TNFRSF13B: variants seen among roughly 807,000 people sequenced by gnomAD.
The protein encoded by TNFRSF13B is tumor necrosis factor receptor superfamily member 13B.
A neutral mutation model predicts 24.0 loss-of-function variants in TNFRSF13B; 34 were observed. The observed-to-expected ratio is 1.41, with a 90% CI of 1.08 to 1.88. TNFRSF13B has a LOEUF of 1.88. Ranked by LOEUF, TNFRSF13B falls within the 40% of genes most tolerant of loss-of-function variation. The pLI is 0.00. For missense variants in TNFRSF13B, 415 were observed against 380.8 expected (o/e 1.09, Z -0.75); for synonymous variants, 173 against 150.3 (o/e 1.15, Z -1.10).
rs1310249816 is a variant in TNFRSF13B, at chr17:16,939,428, C to G, written c.*119G>C. 2 of 1,248,090 alleles carry G rather than the reference C, an allele frequency of 1.6e-6. No homozygotes were observed. The highest frequency in any genetic ancestry group is 2.2e-6 in the Non-Finnish European group (2 of 912,522). The allele number at this position is 1,248,090 out of a possible 1,614,324, so 77.3% of individuals were successfully genotyped here. On this transcript the variant is annotated 3_prime_UTR_variant, in exon 5 of 5. Transcript: ENST00000261652. ...CTCCCTCTCTGTCTCCTCTGTTTCTCTCCCTCTCTGCCTCCTCTGTCTCTC... is the reference window on the plus strand; with the variant it reads ...CTCCCTCTCTGTCTCCTCTGTTTCTGTCCCTCTCTGCCTCCTCTGTCTCTC...
chr17:16,969,395 C>A (rs554081245), intron 1 of TNFRSF13B, among the ~76,000 whole-genome samples: 1 of 152,158 alleles, frequency 6.6e-6, no homozygotes, highest in Non-Finnish European at 1.5e-5. Context: ...AGTACTGATA[C>A]CTGCTACAAC....
At chr17:16,949,995 C>T (rs1251897722) in intron 2 of TNFRSF13B, among the ~76,000 whole-genome samples, 2 of 151,974 alleles carry the variant, frequency 1.3e-5, no homozygotes, top group African/African-American at 2.4e-5. Flanking sequence ...GGTCTAGCCT[C>T]CGAATATTTC....
At chr17:16,968,860 G>T (rs1459829055) in intron 1 of TNFRSF13B, among the ~76,000 whole-genome samples, 1 of 152,072 alleles carries the variant, frequency 6.6e-6, no homozygotes, top group Non-Finnish European at 1.5e-5. Flanking sequence ...TAATGAAAAG[G>T]CAACCCAATT....
chr17:16,969,328 A>C (rs1423434938), intron 1 of TNFRSF13B, among the ~76,000 whole-genome samples: 1 of 152,248 alleles, frequency 6.6e-6, no homozygotes, highest in Non-Finnish European at 1.5e-5. Flanking sequence ...CGATGACTGG[A>C]AAAGCCACAT....
chr17:16,940,596 C>T (rs2087503438), intron 3 of TNFRSF13B, 85 bp from the exon 4 acceptor site: 1 of 1,546,398 alleles, frequency 6.5e-7, no homozygotes, highest in Non-Finnish European at 8.7e-7. Flanking sequence ...CCCCCATCCC[C>T]CTGCTGTGAG....
intron 1 of TNFRSF13B, among the ~76,000 whole-genome samples, chr17:16,967,876 G>A (rs776278638): frequency 2.7e-5 from 4 of 150,122 alleles, no homozygotes; most frequent in South Asian, 2.1e-4. Flanking sequence ...GGTGGCTCAC[G>A]CCTGTAATCC....
intron 1 of TNFRSF13B, among the ~76,000 whole-genome samples, chr17:16,953,244 A>C (rs2087602492): frequency 6.6e-6 from 1 of 152,232 alleles, no homozygotes; most frequent in Non-Finnish European, 1.5e-5. Context: ...CTGCTCATTA[A>C]GTGAATGGTT....
chr17:16,939,684 C>A lies in TNFRSF13B; in HGVS notation c.745G>T (p.Gly249Trp). 1 of 1,610,294 alleles carries A rather than the reference C, an allele frequency of 6.2e-7. No homozygotes were observed. The highest frequency in any genetic ancestry group is 1.1e-5 in the South Asian group (1 of 90,670). Residue 249 changes from glycine (G) to tryptophan (W), a missense_variant, in exon 5 of 5, where the codon GGG becomes TGG. By Grantham distance (184) the Gly-to-Trp change is radical. Transcript: ENST00000261652. Reference sequence around the variant, plus strand: ...CCAGCACAAGTGGGGTCGGGGGTCCCAGGCGTGACTGCGCTCTCCTGCGTG... The same window carrying A: ...CCAGCACAAGTGGGGTCGGGGGTCCAAGGCGTGACTGCGCTCTCCTGCGTG... ...APTQESAVTP[G>W]TPDPTCAGRW...
chr17:16,950,566 C>T (rs2087581855), intron 2 of TNFRSF13B, among the ~76,000 whole-genome samples: 1 of 152,170 alleles, frequency 6.6e-6, no homozygotes, highest in Admixed American at 6.5e-5. Context: ...CTGCCCTATC[C>T]CCAGGGCGCC....
intron 1 of TNFRSF13B, among the ~76,000 whole-genome samples, chr17:16,955,008 A>T (rs966463851): frequency 6.6e-6 from 1 of 152,230 alleles, no homozygotes; most frequent in Non-Finnish European, 1.5e-5. Context: ...ACTGGCAGGA[A>T]ATCAGAAGTC....
intron 2 of TNFRSF13B, among the ~76,000 whole-genome samples, chr17:16,950,231 C>T (rs1222471326): frequency 2.0e-5 from 3 of 152,158 alleles, no homozygotes; most frequent in Non-Finnish European, 2.9e-5. Flanking sequence ...GGGGCCATCC[C>T]TGGCTGTACC....
intron 3 of TNFRSF13B, among the ~76,000 whole-genome samples, chr17:16,945,172 G>A (rs1431532104): frequency 6.6e-6 from 1 of 152,210 alleles, no homozygotes; most frequent in Non-Finnish European, 1.5e-5. Flanking sequence ...GATGTAGGGT[G>A]AGGCATGGTA....
chr17:16,939,893 G>A, intron 4 of TNFRSF13B, 96 bp from the exon 5 acceptor site: 1 of 1,436,956 alleles, frequency 7.0e-7, no homozygotes, highest in Non-Finnish European at 9.2e-7. Context: ...CGACCCAGGA[G>A]CTAAGGGCAA....
At position 16,939,349 on chromosome 17, in the gene TNFRSF13B, C is replaced by T. The variant is rs2087488359; in HGVS notation, c.*198G>A. Reference sequence around the variant, plus strand: ...TCTGCCTGTCTCTTTCCTTCTCTGCCTCTTTCCCTCTCTGCCTCTCTTCCC... The same window carrying T: ...TCTGCCTGTCTCTTTCCTTCTCTGCTTCTTTCCCTCTCTGCCTCTCTTCCC... On this transcript the variant is annotated 3_prime_UTR_variant, in exon 5 of 5. Transcript: ENST00000261652. The T allele has an allele frequency of 1.6e-6, 1 of 617,040 alleles. No individual in the cohort carries two copies. The highest frequency in any genetic ancestry group is 1.9e-5 in the African/African-American group (1 of 53,058). 38.2% of individuals were successfully genotyped at this position (617,040 alleles called of 1,614,324 possible). A position where few individuals can be genotyped will look rare whatever the true frequency, so the allele number is the denominator to read the frequency against.
intron 1 of TNFRSF13B, among the ~76,000 whole-genome samples, chr17:16,963,797 G>T (rs145802221): frequency 1.1e-4 from 16 of 152,142 alleles, no homozygotes; most frequent in Non-Finnish European, 4.4e-5. Context: ...TGATCCACCC[G>T]CCTCGGCCTC....
chr17:16,948,817 C>T lies in TNFRSF13B; in HGVS notation c.366G>A (p.Arg122=). The change falls in exon 3 of 5, where the codon CGG becomes CGA. Residue 122 remains arginine, a synonymous_variant. Transcript: ENST00000261652. Reference sequence around the variant, plus strand: ...CTGAATTGTTTTCAACTTCTCCACTCCGCTGTCTCCTGAGCTCTGGTGGAA... The same window carrying T: ...CTGAATTGTTTTCAACTTCTCCACTTCGCTGTCTCCTGAGCTCTGGTGGAA... ...VNLPPELRRQ[R]SGEVENNSDN... The T allele has an allele frequency of 6.2e-7, 1 of 1,614,246 alleles. No individual in the cohort carries two copies. The highest frequency in any genetic ancestry group is 8.5e-7 in the Non-Finnish European group (1 of 1,180,044).
chr17:16,950,267 T>C (rs946042054), intron 2 of TNFRSF13B, among the ~76,000 whole-genome samples: 1 of 152,172 alleles, frequency 6.6e-6, no homozygotes, highest in Non-Finnish European at 1.5e-5. Flanking sequence ...GGTCTTAGCC[T>C]CTCCGTGCCT....
intron 3 of TNFRSF13B, among the ~76,000 whole-genome samples, chr17:16,942,147 CTG>C (rs1317164254): frequency 2.0e-5 from 3 of 152,164 alleles, no homozygotes; most frequent in Non-Finnish European, 2.9e-5. Flanking sequence ...CATAATAGCT[CTG>C]TTTTGTTTTT....
rs531640813 is a variant in TNFRSF13B, at chr17:16,952,521, G to T, written c.124C>A (p.Pro42Thr). 39 of 1,614,220 alleles carry T rather than the reference G, an allele frequency of 2.4e-5. No individual in the cohort carries two copies. The South Asian group carries it at 3.7e-4, about 15-fold the overall frequency. ...RSCPEEQYWD[P>T]LLGTCMSCKT... Reference sequence around the variant, plus strand: ...CAGGACATGCAGGTACCCAGCAGAGGATCCCAGTACTGCTCTTCGGGGCAG... The same window carrying T: ...CAGGACATGCAGGTACCCAGCAGAGTATCCCAGTACTGCTCTTCGGGGCAG... The change falls in exon 2 of 5, where the codon CCT (proline) becomes ACT (threonine). Residue 42 changes from proline (P) to threonine (T), a missense_variant. Coordinates refer to ENST00000261652, the MANE Select transcript of TNFRSF13B (RefSeq NM_012452.3).
Sources: gnomAD v4.1 joint callset for allele counts (sites outside exome capture counted in the v4.1 genomes callset) on GRCh38, gnomAD v4.1.1 for gene constraint, MANE v1.5 for transcripts, NCBI Gene and HGNC (gene_info 2026-07-23, HGNC 2026-07-21) for gene names.